Variants in GFM1 observed in about 807,000 individuals in gnomAD.
GFM1 encodes G elongation factor mitochondrial 1.
Under a neutral mutation model 96.2 loss-of-function variants are expected in GFM1, and 62 were observed. The ratio of observed to expected loss-of-function variants is 0.64; its 90% CI spans 0.53 to 0.80. The LOEUF (loss-of-function observed/expected upper bound fraction) is 0.80, where lower values mean the gene tolerates loss of function less well. GFM1 is among the 30% of genes least tolerant of loss of function. GFM1 has a pLI of 0.00. For synonymous variants in GFM1, 282 were observed against 312.9 expected (o/e 0.90, Z 1.04); for missense variants, 852 against 916.6 (o/e 0.93, Z 0.91).
chr3:158,653,223 G>A (rs1387513543), intron 6 of GFM1, 87 bp from the exon 7 acceptor site: 9 of 1,081,944 alleles, frequency 8.3e-6, no homozygotes, highest in Non-Finnish European at 1.2e-5. Flanking sequence ...TAGAGTATCA[G>A]TTCATTTTAT....
At chr3:158,655,759 T>TA (rs1560131727) in intron 8 of GFM1, 1 of 444,216 alleles carries the variant, frequency 2.3e-6, no homozygotes. Flanking sequence ...CCAATACTGA[T>TA]ATATTATTAT....
At chr3:158,655,640 C>T (rs1722688913) in intron 8 of GFM1, among the ~76,000 whole-genome samples, 1 of 152,076 alleles carries the variant, frequency 6.6e-6, no homozygotes, top group African/African-American at 2.4e-5. Context: ...AACAAACTTA[C>T]TTATTTTAGA....
intron 8 of GFM1, among the ~76,000 whole-genome samples, chr3:158,655,421 T>G (rs1576738692): frequency 6.6e-6 from 1 of 151,030 alleles, no homozygotes; most frequent in Non-Finnish European, 1.5e-5. Flanking sequence ...GAGGTGGAGG[T>G]TGCAGTGAGC....
intron 15 of GFM1, 129 bp downstream of exon 15, chr3:158,684,797 G>A (rs1214983406): frequency 7.7e-6 from 7 of 912,198 alleles, no homozygotes; most frequent in Non-Finnish European, 1.2e-5. Flanking sequence ...GTAGGTAGTG[G>A]GCAAATCTTT....
intron 11 of GFM1, among the ~76,000 whole-genome samples, chr3:158,663,374 T>A (rs1723343275): frequency 1.3e-5 from 2 of 152,230 alleles, no homozygotes; most frequent in Non-Finnish European, 2.9e-5. Flanking sequence ...TGAAATTCAC[T>A]TATTCATACA....
Position 158,693,814 on chromosome 3 carries a change from C to T in GFM1, c.*2347C>T, listed in dbSNP as rs773909435. 24 of 152,068 alleles carry T rather than the reference C, an allele frequency of 1.6e-4. No homozygotes were observed. The highest frequency in any genetic ancestry group is 5.8e-4 in the African/African-American group (24 of 41,390). 9.4% of individuals were successfully genotyped at this position (152,068 alleles called of 1,614,324 possible). On this transcript the variant is annotated 3_prime_UTR_variant, in exon 18 of 18. Transcript: ENST00000486715. ...TAAAAAGAAATACCTAGGCCTACAC[C>T]CAGATATTTAGATTATTTGGCTGGA...
At chr3:158,671,267 A>G (rs904647053) in intron 13 of GFM1, among the ~76,000 whole-genome samples, 4 of 152,254 alleles carry the variant, frequency 2.6e-5, no homozygotes, top group Admixed American at 6.5e-5. Context: ...TTCACTTTCA[A>G]TCATCAAAAG....
Position 158,646,890 on chromosome 3 carries a change from T to A in GFM1, c.515T>A (p.Phe172Tyr). 1 of 1,614,162 alleles carries A rather than the reference T, an allele frequency of 6.2e-7. No homozygotes were observed. The highest frequency in any genetic ancestry group is 8.5e-7 in the Non-Finnish European group (1 of 1,180,032). The change falls in exon 4 of 18, where the codon TTT becomes TAT. Residue 172 changes from phenylalanine (F) to tyrosine (Y), a missense_variant. Phe to Tyr is a conservative substitution (Grantham distance 22, BLOSUM62 3). Transcript: ENST00000486715. ...CGCTACAACGTTCCGTTTCTAACTT[T>A]TATTAACAAATTGGACCGAATGGGC... ...MKRYNVPFLT[F>Y]INKLDRMGSN... is the part of the protein sequence containing the mutation.
chr3:158,656,813 C>G (rs1269189776), intron 8 of GFM1: 1 of 152,214 alleles, frequency 6.6e-6, no homozygotes, highest in Non-Finnish European at 1.5e-5. Context: ...TTCAGATTGG[C>G]TGGGTTTGGC....
chr3:158,651,824 A>AT (rs61079797), intron 5 of GFM1, among the ~76,000 whole-genome samples: 8 of 151,104 alleles, frequency 5.3e-5, no homozygotes, highest in South Asian at 2.1e-4. Context: ...AAAACCAGAG[A>AT]TTTTTTTTTT....
intron 6 of GFM1, among the ~76,000 whole-genome samples, chr3:158,652,548 T>C (rs977426263): frequency 5.3e-5 from 8 of 152,144 alleles, no homozygotes; most frequent in Non-Finnish European, 8.8e-5. Flanking sequence ...TTGTTGGTTG[T>C]GGCCACAGCA....
chr3:158,690,702 C>G (rs780375477), intron 16 of GFM1: 11 of 319,298 alleles, frequency 3.4e-5, no homozygotes, highest in Non-Finnish European at 5.9e-5. Context: ...TTGCCTGTAC[C>G]TTTCTTGACT....
intron 17 of GFM1, 27 bp from the exon 18 acceptor site, chr3:158,691,309 A>C (rs746458157): frequency 6.2e-7 from 1 of 1,613,140 alleles, no homozygotes; most frequent in Admixed American, 1.7e-5. Context: ...ACAAACAAAA[A>C]ACCCTCTCTT....
intron 13 of GFM1, among the ~76,000 whole-genome samples, chr3:158,678,490 G>A (rs1337095166): frequency 5.3e-5 from 8 of 152,174 alleles, no homozygotes; most frequent in Non-Finnish European, 8.8e-5. Flanking sequence ...ATGACTCTGA[G>A]GAGTTTAAGA....
At chr3:158,683,638 G>A (rs1013828526) in intron 14 of GFM1, among the ~76,000 whole-genome samples, 1 of 152,240 alleles carries the variant, frequency 6.6e-6, no homozygotes, top group African/African-American at 2.4e-5. Context: ...GACACAGCTA[G>A]TGAATAAACA....
intron 13 of GFM1, among the ~76,000 whole-genome samples, chr3:158,681,393 G>C (rs529910368): frequency 6.6e-6 from 1 of 152,164 alleles, no homozygotes; most frequent in African/African-American, 2.4e-5. Flanking sequence ...GTTGCCATTA[G>C]TGGTTTGAAG....
intron 9 of GFM1, 103 bp from the exon 10 acceptor site, chr3:158,660,771 G>A (rs1723138988): frequency 3.2e-6 from 3 of 943,280 alleles, no homozygotes; most frequent in South Asian, 2.7e-5. Flanking sequence ...ATTCTGCCAC[G>A]CTTTTTTATA....
At chr3:158,667,079 G>A (rs1489773018) in intron 13 of GFM1, 4 of 1,573,950 alleles carry the variant, frequency 2.5e-6, no homozygotes, top group Admixed American at 2.0e-5. Flanking sequence ...TCTTTGCTAT[G>A]ACAAAAAATA....
In GFM1 at chr3:158,693,101, T is replaced by G. The variant is rs1356058267; in HGVS notation, c.*1634T>G. On this transcript the variant is annotated 3_prime_UTR_variant, in exon 18 of 18. Transcript: ENST00000486715. Reference sequence around the variant, plus strand: ...AGAAGCACAGATAAGGTAAATAACTTTAATGAGACCACAAAACCTAAGTTT... The same window carrying G: ...AGAAGCACAGATAAGGTAAATAACTGTAATGAGACCACAAAACCTAAGTTT... The G allele has an allele frequency of 6.6e-6, 1 of 152,182 alleles. No homozygotes were observed. The highest frequency in any genetic ancestry group is 1.5e-5 in the Non-Finnish European group (1 of 68,038). 9.4% of individuals were successfully genotyped at this position (152,182 alleles called of 1,614,324 possible).
Sources: allele counts gnomAD v4.1 joint callset (sites outside exome capture counted in the v4.1 genomes callset), GRCh38; gene constraint gnomAD v4.1.1; transcripts MANE v1.5; gene names NCBI Gene and HGNC (gene_info 2026-07-23, HGNC 2026-07-21).